Variants in TIAM2 observed in about 807,000 individuals in gnomAD.
The protein encoded by TIAM2 is TIAM Rac1 associated GEF 2, also known as rho guanine nucleotide exchange factor TIAM2.
A neutral mutation model predicts 152.9 loss-of-function variants in TIAM2; 80 were observed. The ratio of observed to expected loss-of-function variants is 0.52; its 90% CI spans 0.44 to 0.63. The LOEUF is 0.63. TIAM2 is among the 30% of genes least tolerant of loss of function. The probability of loss-of-function intolerance (pLI) is 0.00; values close to 1 mark genes in which losing one functional copy is unlikely to be tolerated. For missense variants in TIAM2, 1,965 were observed against 2,120.1 expected, an observed-to-expected ratio of 0.93 and a Z score of 1.44; for synonymous variants, 804 against 838.0, an observed-to-expected ratio of 0.96 and a Z score of 0.70.
At chr6:155,167,617 C>G (rs896744775) in intron 9 of TIAM2, among the ~76,000 whole-genome samples, 3 of 151,984 alleles carry the variant, frequency 2.0e-5, no homozygotes, top group Admixed American at 6.6e-5. Context: ...AACTGCAAAC[C>G]CTTTGCTAAT....
intron 4 of TIAM2, among the ~76,000 whole-genome samples, chr6:155,135,049 C>CT (rs1471193371): frequency 1.3e-5 from 2 of 151,902 alleles, no homozygotes; most frequent in East Asian, 1.9e-4. Flanking sequence ...AAAAAAAACT[C>CT]TAAGTATTTC....
chr6:155,246,352 A>G (rs1030045436), intron 19 of TIAM2, among the ~76,000 whole-genome samples: 1 of 152,148 alleles, frequency 6.6e-6, no homozygotes, highest in Non-Finnish European at 1.5e-5. Flanking sequence ...AAAGCCCCAC[A>G]TTTAAAAAGT....
At chr6:155,242,219 G>A (rs1783068450) in intron 16 of TIAM2, among the ~76,000 whole-genome samples, 1 of 152,236 alleles carries the variant, frequency 6.6e-6, no homozygotes, top group Non-Finnish European at 1.5e-5. Flanking sequence ...GCACCAGCCT[G>A]TGAGGCATGA....
chr6:155,061,380 CTA>C (rs1398517797), intron 1 of TIAM2, among the ~76,000 whole-genome samples: 1 of 147,830 alleles, frequency 6.8e-6, no homozygotes, highest in Admixed American at 6.6e-5. Context: ...ATCCATTTAC[CTA>C]TATATATATT....
At chr6:155,114,733 A>G (rs1035651573) in intron 2 of TIAM2, among the ~76,000 whole-genome samples, 1 of 151,976 alleles carries the variant, frequency 6.6e-6, no homozygotes, top group African/African-American at 2.4e-5. Context: ...TTACCTGGAG[A>G]AAAAAAATAC....
chr6:155,089,828 G>A (rs898598850), intron 1 of TIAM2, among the ~76,000 whole-genome samples: 2 of 152,146 alleles, frequency 1.3e-5, no homozygotes, highest in African/African-American at 2.4e-5. Flanking sequence ...ATGGAGCTCA[G>A]TGAGAGCGAG....
Position 155,163,961 on chromosome 6 carries a change from A to ATTTTTTTTT in TIAM2, c.2029-450_2029-449insTTTTTTTTT, listed in dbSNP as rs71558240. Reference sequence around the variant, plus strand: ...AATGAAGTGCTGGATGACCCAGTGCATTTTGTTTTTTTTTTTGAGACGGAG... The same window carrying ATTTTTTTTT: ...AATGAAGTGCTGGATGACCCAGTGCATTTTTTTTTTTTTGTTTTTTTTTTTGAGACGGAG... On this transcript the variant is annotated intron_variant, in intron 7 of 26. Transcript: ENST00000682666. 1.4e-5 allele frequency among the ~76,000 whole-genome samples: 2 copies of ATTTTTTTTT among 144,004 alleles called. 1 individual carries two copies. Among genetic ancestry groups the ATTTTTTTTT allele is most frequent in the Non-Finnish European group, 3.0e-5 (2 of 66,046 alleles). The allele number at this position is 144,004 out of a possible 152,430, so 94.5% of individuals were successfully genotyped here.
At chr6:155,114,037 T>TATATA (rs1381031482) in intron 2 of TIAM2, among the ~76,000 whole-genome samples, 2,214 of 28,074 alleles carry the variant, frequency 0.079, 112 homozygotes, top group Non-Finnish European at 0.086. Flanking sequence ...TATATATATA[T>TATATA]TTTTTTTTTT....
chr6:155,219,848 T>C (rs1385305464), intron 15 of TIAM2, among the ~76,000 whole-genome samples: 2 of 151,946 alleles, frequency 1.3e-5, no homozygotes, highest in Non-Finnish European at 2.9e-5. Flanking sequence ...GGGTTGGCAA[T>C]GTCACTTACG....
At chr6:155,098,355 A>T (rs558518091) in intron 2 of TIAM2, among the ~76,000 whole-genome samples, 3 of 152,132 alleles carry the variant, frequency 2.0e-5, no homozygotes, top group African/African-American at 7.2e-5. Context: ...GGTTTATTTT[A>T]TCAGTGTGTT....
chr6:155,158,501 T>C (rs1291427090), intron 7 of TIAM2, among the ~76,000 whole-genome samples: 1 of 152,200 alleles, frequency 6.6e-6, no homozygotes, highest in Non-Finnish European at 1.5e-5. Context: ...TTTTTTATGT[T>C]TTGAGCATGG....
At chr6:155,077,509 T>C (rs974630083) in intron 1 of TIAM2, among the ~76,000 whole-genome samples, 1 of 152,194 alleles carries the variant, frequency 6.6e-6, no homozygotes, top group East Asian at 1.9e-4. Flanking sequence ...GTAACGGACA[T>C]TGAGGCCTGG....
intron 15 of TIAM2, among the ~76,000 whole-genome samples, chr6:155,223,721 T>C (rs1332134788): frequency 2.6e-5 from 4 of 152,088 alleles, no homozygotes; most frequent in Admixed American, 2.6e-4. Flanking sequence ...ATGGATCTCT[T>C]TAGTAAAATA....
At chr6:155,250,448 A>AT in intron 21 of TIAM2, 1 of 1,043,418 alleles carries the variant, frequency 9.6e-7, no homozygotes, top group East Asian at 2.6e-5. Flanking sequence ...AGGAAGTAGC[A>AT]TAGTTTAGGG....
Position 155,164,546 on chromosome 6 carries a change from C to A in TIAM2, c.2160C>A (p.Ser720=). 1 of 1,614,156 alleles carries A rather than the reference C, an allele frequency of 6.2e-7. No individual in the cohort carries two copies. Among genetic ancestry groups the A allele is most frequent in the Non-Finnish European group, 8.5e-7 (1 of 1,180,026 alleles). Residue 720 remains serine, a synonymous_variant, in exon 8 of 27, where the codon TCC becomes TCA. Transcript: ENST00000682666. The part of the protein sequence containing the change: ...KSLLAAASRP[S]KLALGRLGIL... ...TCCTTGCAGCCGCCAGCCGCCCCTC[C>A]AAGCTGGCCCTCGGCAGGCTGGGCA...
At chr6:155,236,755 C>G (rs1274786212) in intron 15 of TIAM2, among the ~76,000 whole-genome samples, 1 of 152,196 alleles carries the variant, frequency 6.6e-6, no homozygotes, top group African/African-American at 2.4e-5. Context: ...TTAAAATCAT[C>G]AGATCTTGTG....
chr6:155,028,931 T>C (rs182249379), intron 1 of TIAM2, among the ~76,000 whole-genome samples: 5 of 109,160 alleles, frequency 4.6e-5, no homozygotes, highest in Non-Finnish European at 5.3e-5. Flanking sequence ...ACACTGTATA[T>C]ACTATATATA....
At chr6:155,179,892 C>G (rs543241957) in intron 12 of TIAM2, among the ~76,000 whole-genome samples, 23 of 152,190 alleles carry the variant, frequency 1.5e-4, no homozygotes, top group Non-Finnish European at 2.6e-4. Flanking sequence ...TGACATGAAT[C>G]CTGCTGTCCT....
chr6:155,121,594 C>G (rs1287425594), intron 2 of TIAM2, among the ~76,000 whole-genome samples: 1 of 152,180 alleles, frequency 6.6e-6, no homozygotes, highest in Admixed American at 6.6e-5. Context: ...GTCCCCGACC[C>G]TCCCCAAATA....
Sources: allele counts gnomAD v4.1 joint callset (sites outside exome capture counted in the v4.1 genomes callset), GRCh38; gene constraint gnomAD v4.1.1; transcripts MANE v1.5; gene names NCBI Gene and HGNC (gene_info 2026-07-23, HGNC 2026-07-21).